The following USH2A variants were observed in gnomAD, a reference collection of about 807,000 sequenced individuals.
USH2A encodes the protein usherin.
In USH2A, 443 loss-of-function variants were observed where a neutral mutation model predicts 538.9. The observed-to-expected ratio is 0.82, with a 90% confidence interval of 0.76 to 0.89. The LOEUF (loss-of-function observed/expected upper bound fraction) is 0.89. USH2A is among the 40% of genes least tolerant of loss of function. USH2A has a pLI of 0.00. For synonymous variants in USH2A, 2,413 were observed against 2,273.5 expected, an observed-to-expected ratio of 1.06 and a Z score of -1.75; for missense variants, 6,633 against 6,324.8, an observed-to-expected ratio of 1.05 and a Z score of -1.65.
intron 32 of USH2A, among the ~76,000 whole-genome samples, chr1:216,032,382 G>T (rs544295042): frequency 1.3e-5 from 2 of 152,062 alleles, no homozygotes; most frequent in Non-Finnish European, 2.9e-5. Context: ...CCTAAAGTAG[G>T]TACTGTTGTT....
chr1:215,915,150 A>G (rs1257315141), intron 38 of USH2A, among the ~76,000 whole-genome samples: 1 of 152,094 alleles, frequency 6.6e-6, no homozygotes, highest in Non-Finnish European at 1.5e-5. Context: ...CTTGCACAAG[A>G]CCACACAAGT....
chr1:216,386,541 CTATATATA>C (rs66638535), intron 3 of USH2A, among the ~76,000 whole-genome samples: 25 of 133,100 alleles, frequency 1.9e-4, no homozygotes, highest in African/African-American at 5.4e-4. Context: ...AACCAAAAAA[CTATATATA>C]TATATATATA....
At chr1:215,773,520 C>CTG (rs1173044369) in intron 55 of USH2A, among the ~76,000 whole-genome samples, 49 of 147,884 alleles carry the variant, frequency 3.3e-4, no homozygotes, top group African/African-American at 1.2e-3. Context: ...CTGTCTCTCT[C>CTG]TCTCTCTCTC....
chr1:216,100,872 TTTAA>T (rs1320525387), intron 21 of USH2A, among the ~76,000 whole-genome samples: 1 of 152,204 alleles, frequency 6.6e-6, no homozygotes, highest in Non-Finnish European at 1.5e-5. Flanking sequence ...AAATATATTA[TTTAA>T]TTTTCAAGTT....
intron 21 of USH2A, among the ~76,000 whole-genome samples, chr1:216,170,016 G>C (rs2034246901): frequency 6.6e-6 from 1 of 151,442 alleles, no homozygotes; most frequent in Non-Finnish European, 1.5e-5. Context: ...ACAAATAGTG[G>C]GACACCAAGG....
At chr1:216,351,420 G>T (rs1019705679) in intron 4 of USH2A, among the ~76,000 whole-genome samples, 1 of 152,126 alleles carries the variant, frequency 6.6e-6, no homozygotes, top group Non-Finnish European at 1.5e-5. Context: ...AAAGAACAGC[G>T]AATGGTATCA....
At chr1:215,971,152 C>T (rs1249268203) in intron 35 of USH2A, among the ~76,000 whole-genome samples, 3 of 152,116 alleles carry the variant, frequency 2.0e-5, no homozygotes, top group African/African-American at 7.2e-5. Context: ...AGAAGTAAAT[C>T]GACCTTATTT....
intron 34 of USH2A, among the ~76,000 whole-genome samples, chr1:215,993,994 TA>T (rs956105616): frequency 1.3e-5 from 2 of 152,142 alleles, no homozygotes; most frequent in Non-Finnish European, 2.9e-5. Context: ...ATAAATACAT[TA>T]AGGGGTTTTC....
At chr1:216,224,334 C>T (rs2035520671) in intron 14 of USH2A, among the ~76,000 whole-genome samples, 1 of 152,060 alleles carries the variant, frequency 6.6e-6, no homozygotes, top group Admixed American at 6.6e-5. Context: ...AAATATGGCC[C>T]ATTTTTGTCT....
rs113019550 is a variant in USH2A at position 216,058,517 on chromosome 1, T to C, written c.6050-9870A>G. ...AGCATTGCAGCAGTATTGGCTTCCA[T>C]TATTTTTCATTTCAAATATGTAGTG... On this transcript the variant is annotated intron_variant, in intron 30 of 71. Transcript: ENST00000307340. Among the ~76,000 whole-genome samples, 492 of 149,162 alleles carry C rather than the reference T, an allele frequency of 3.3e-3. 52 individuals are homozygous for C. Among genetic ancestry groups the C allele is most frequent in the African/African-American group, 0.012 (484 of 39,556 alleles).
At position 215,782,119 on chromosome 1, in the gene USH2A, C is replaced by T. The variant is rs1004971373; in HGVS notation, c.10663G>A (p.Glu3555Lys). ...TATTCCTGAAATGGTTGAATTCCCTCTTTATCAGAGAAGCTCAGTGATGTT... is the reference window on the plus strand; with the variant it reads ...TATTCCTGAAATGGTTGAATTCCCTTTTTATCAGAGAAGCTCAGTGATGTT... The part of the protein sequence containing the change: ...RGTSLSFSDK[E>K]GIQPFQEYSY... Residue 3555 changes from glutamate (E) to lysine (K), a missense_variant, in exon 54 of 72, where the codon GAG becomes AAG. Glu to Lys is a moderately conservative substitution (Grantham distance 56). Coordinates refer to ENST00000307340, the MANE Select transcript of USH2A (RefSeq NM_206933.4). The T allele has an allele frequency of 1.6e-5, 26 of 1,613,884 alleles. No individual in the cohort carries two copies. Among genetic ancestry groups the T allele is most frequent in the African/African-American group, 8.0e-5 (6 of 74,904 alleles).
chr1:216,236,652 T>G, intron 13 of USH2A, among the ~76,000 whole-genome samples: 1 of 152,078 alleles, frequency 6.6e-6, no homozygotes. Flanking sequence ...CTGTGAGTCA[T>G]GAGAGTGGTT....
chr1:216,356,953 C>G (rs1346345116), intron 4 of USH2A, among the ~76,000 whole-genome samples: 3 of 152,088 alleles, frequency 2.0e-5, no homozygotes, highest in Non-Finnish European at 4.4e-5. Flanking sequence ...CTATCAAGTA[C>G]AAAATGATAA....
intron 21 of USH2A, among the ~76,000 whole-genome samples, chr1:216,124,103 A>C (rs539837336): frequency 2.0e-5 from 3 of 152,284 alleles, no homozygotes; most frequent in African/African-American, 7.2e-5. Context: ...TCTGGGTGGT[A>C]ATTTAAATAG....
At chr1:216,101,944 T>C (rs2032591677) in intron 21 of USH2A, among the ~76,000 whole-genome samples, 1 of 152,082 alleles carries the variant, frequency 6.6e-6, no homozygotes, top group African/African-American at 2.4e-5. Flanking sequence ...AAGTAAGAGG[T>C]TTACAACTTT....
At chr1:216,213,270 A>T (rs1308833102) in intron 15 of USH2A, among the ~76,000 whole-genome samples, 1 of 152,138 alleles carries the variant, frequency 6.6e-6, no homozygotes, top group Non-Finnish European at 1.5e-5. Context: ...TTCCACATAT[A>T]GAATCATATC....
intron 58 of USH2A, among the ~76,000 whole-genome samples, chr1:215,744,960 C>T (rs764521795): frequency 6.6e-5 from 10 of 152,088 alleles, no homozygotes; most frequent in Non-Finnish European, 1.2e-4. Flanking sequence ...TCTATCTTTC[C>T]GGTATTACAG....
chr1:215,673,956 G>A, intron 63 of USH2A, 144 bp downstream of exon 63: 3 of 1,409,742 alleles, frequency 2.1e-6, no homozygotes, highest in Non-Finnish European at 3.0e-6. Context: ...GATGTGCTTT[G>A]TCTACTATGC....
chr1:216,091,372 A>G (rs1193228931), intron 22 of USH2A, among the ~76,000 whole-genome samples: 1 of 152,230 alleles, frequency 6.6e-6, no homozygotes, highest in Non-Finnish European at 1.5e-5. Context: ...GGTCACTAAA[A>G]TATTATCTGA....
Sources: gnomAD v4.1 joint callset for allele counts (sites outside exome capture counted in the v4.1 genomes callset) on GRCh38, gnomAD v4.1.1 for gene constraint, MANE v1.5 for transcripts, NCBI Gene and HGNC (gene_info 2026-07-23, HGNC 2026-07-21) for gene names.